Variants in GSK3B observed in about 807,000 individuals in gnomAD.
GSK3B encodes the protein glycogen synthase kinase 3 beta.
A neutral mutation model predicts 56.4 loss-of-function variants in GSK3B; 15 were observed. The ratio of observed to expected loss-of-function variants is 0.27; its 90% CI spans 0.18 to 0.41. GSK3B has a LOEUF of 0.41. Among genes scored for constraint, GSK3B ranks in the 10% least tolerant of loss-of-function variants. The probability of loss-of-function intolerance (pLI) is 1.00; values close to 1 mark genes in which losing one functional copy is unlikely to be tolerated. For missense variants in GSK3B, 300 were observed against 513.4 expected (o/e 0.58, Z 4.02); for synonymous variants, 181 against 188.9 (o/e 0.96, Z 0.34).
At chr3:120,006,746 C>A (rs1233463366) in intron 1 of GSK3B, among the ~76,000 whole-genome samples, 5 of 152,084 alleles carry the variant, frequency 3.3e-5, no homozygotes, top group African/African-American at 1.2e-4. Flanking sequence ...ACCAGAATCT[C>A]TGGAACACAT....
intron 2 of GSK3B, among the ~76,000 whole-genome samples, chr3:119,971,903 G>A (rs918437085): frequency 1.8e-4 from 27 of 152,096 alleles, no homozygotes; most frequent in East Asian, 1.9e-4. Context: ...GAGCCACCGC[G>A]CCCGGCCTGC....
rs532937021 is a variant in GSK3B at position 119,967,368 on chromosome 3, G to A, written c.283-20017C>T. Among the ~76,000 whole-genome samples, 6 of 152,142 alleles carry A rather than the reference G, an allele frequency of 3.9e-5. No individual in the cohort carries two copies. The East Asian group carries it at 5.8e-4, about 15-fold the overall frequency. On this transcript the variant is annotated intron_variant, in intron 2 of 10. Transcript: ENST00000264235. Reference sequence around the variant, plus strand: ...TGGGATTACCGGCGTGAGCCACTGCGCCTGGCCAGCTATCTTTTTTTTAAA... The same window carrying A: ...TGGGATTACCGGCGTGAGCCACTGCACCTGGCCAGCTATCTTTTTTTTAAA...
chr3:120,029,461 C>G, intron 1 of GSK3B: 1 of 698,872 alleles, frequency 1.4e-6, no homozygotes, highest in Non-Finnish European at 2.7e-6. Context: ...CATTCTGGAT[C>G]AAGAGCAGTG....
intron 1 of GSK3B, among the ~76,000 whole-genome samples, chr3:120,011,517 G>A (rs1393701823): frequency 6.6e-6 from 1 of 152,174 alleles, no homozygotes; most frequent in Admixed American, 6.5e-5. Context: ...AGATACTATA[G>A]CTGAAAGAGA....
Position 119,840,316 on chromosome 3 carries a change from C to T in GSK3B, c.1195+2939G>A, listed in dbSNP as rs55739402. On this transcript the variant is annotated intron_variant, in intron 10 of 10. Coordinates refer to ENST00000264235, the MANE Select transcript of GSK3B (RefSeq NM_001146156.2). ...CTCGGCTCATTGCAACCTCCGCCTC[C>T]CAGGTTCAAGCAATTCTCTTGCCTT... Among the ~76,000 whole-genome samples the T allele has an allele frequency of 4.2e-3, 645 of 152,100 alleles. 2 individuals are homozygous for T. Among genetic ancestry groups the T allele is most frequent in the African/African-American group, 0.015 (605 of 41,476 alleles).
chr3:119,862,541 AAAG>A (rs1461203912), intron 9 of GSK3B, among the ~76,000 whole-genome samples: 7 of 149,190 alleles, frequency 4.7e-5, no homozygotes, highest in Non-Finnish European at 8.9e-5. Context: ...AAAAAAAAAA[AAAG>A]AAAGATATGA....
At chr3:119,880,859 G>A (rs867070942) in intron 7 of GSK3B, among the ~76,000 whole-genome samples, 8 of 152,026 alleles carry the variant, frequency 5.3e-5, no homozygotes, top group African/African-American at 9.7e-5. Flanking sequence ...CAACAATTCC[G>A]TCACATGCAA....
chr3:119,832,228 G>A (rs1577301458), intron 10 of GSK3B, among the ~76,000 whole-genome samples: 1 of 152,232 alleles, frequency 6.6e-6, no homozygotes, highest in African/African-American at 2.4e-5. Flanking sequence ...CTTATTGAGT[G>A]ACTGAGGCTT....
rs1314680193 is a variant in GSK3B, at chr3:119,922,212, A to AGGAG, written c.477+1160_477+1161insCTCC. On this transcript the variant is annotated intron_variant, in intron 4 of 10. Transcript: ENST00000264235. Reference sequence around the variant, plus strand: ...AGGTAGGTAGGTAGGGAAGGAGGGAAGGAAGGAAGGAAGGAGGGAAGGAAG... The same window carrying AGGAG: ...AGGTAGGTAGGTAGGGAAGGAGGGAAGGAGGGAAGGAAGGAAGGAGGGAAGGAAG... Among the ~76,000 whole-genome samples the AGGAG allele has an allele frequency of 3.8e-4, 43 of 113,854 alleles. 2 individuals are homozygous for AGGAG. The highest frequency in any genetic ancestry group is 1.6e-4 in the Non-Finnish European group (9 of 57,048). 74.7% of individuals were successfully genotyped at this position (113,854 alleles called of 152,430 possible).
At chr3:119,947,492 G>T in intron 2 of GSK3B, 141 bp from the exon 3 acceptor site, 1 of 609,600 alleles carries the variant, frequency 1.6e-6, no homozygotes, top group Non-Finnish European at 2.9e-6. Flanking sequence ...CTGTAGACTG[G>T]TTCTGATCTG....
At chr3:119,954,362 T>C (rs934371646) in intron 2 of GSK3B, among the ~76,000 whole-genome samples, 3 of 152,042 alleles carry the variant, frequency 2.0e-5, no homozygotes, top group African/African-American at 7.2e-5. Flanking sequence ...GGAATAAGAA[T>C]AGAATAGAAT....
intron 2 of GSK3B, among the ~76,000 whole-genome samples, chr3:119,948,802 G>A (rs890554274): frequency 2.0e-5 from 3 of 152,258 alleles, no homozygotes; most frequent in South Asian, 4.1e-4. Context: ...GGGTTCAAGC[G>A]ATTCTCCTGC....
chr3:119,842,586 T>C (rs2055789257), intron 10 of GSK3B, among the ~76,000 whole-genome samples: 2 of 152,204 alleles, frequency 1.3e-5, no homozygotes, highest in Non-Finnish European at 2.9e-5. Context: ...TGATTTCCTA[T>C]TGAAATTATG....
At position 120,002,026 on chromosome 3, in the gene GSK3B, T is replaced by C. The variant is rs1559871481; in HGVS notation, c.282+20A>G. 8.7e-6 allele frequency: 13 copies of C among 1,502,544 alleles called. No individual in the cohort carries two copies. Among genetic ancestry groups the C allele is most frequent in the Non-Finnish European group, 1.2e-5 (13 of 1,110,728 alleles). The allele number at this position is 1,502,544 out of a possible 1,614,324, so 93.1% of individuals were successfully genotyped here. On this transcript the variant is annotated intron_variant, in intron 2 of 10. Coordinates refer to ENST00000264235, the MANE Select transcript of GSK3B (RefSeq NM_001146156.2). The stretch of plus-strand genomic sequence containing the variant: ...TGTATTACGACAGCAACAAAATATA[T>C]GAAATACTGGACATTTTACCTTAAA...
Position 120,080,336 on chromosome 3 carries a change from G to A in GSK3B, c.88+13011C>T, listed in dbSNP as rs1309722127. ...GGAGGGAAGAAGGAAGACGAAGGAA[G>A]AAGGAAGAAGGTAGAAGGAAGAAGG... On this transcript the variant is annotated intron_variant, in intron 1 of 10. Transcript: ENST00000264235. Among the ~76,000 whole-genome samples the A allele has an allele frequency of 3.5e-5, 5 of 142,468 alleles. No homozygotes were observed. In the East Asian group the frequency reaches 8.1e-4, roughly 23 times the overall value. The allele number at this position is 142,468 out of a possible 152,430, so 93.5% of individuals were successfully genotyped here.
intron 1 of GSK3B, among the ~76,000 whole-genome samples, chr3:120,037,104 G>C (rs112188551): frequency 1.0e-3 from 155 of 152,150 alleles, no homozygotes; most frequent in African/African-American, 3.4e-3. Context: ...TGAATATACA[G>C]AAGTATAGAA....
In GSK3B at chr3:119,952,487, CAA is replaced by C. The variant is rs59526500; in HGVS notation, c.283-5138_283-5137del. On this transcript the variant is annotated intron_variant, in intron 2 of 10. Coordinates refer to ENST00000264235, the MANE Select transcript of GSK3B (RefSeq NM_001146156.2). ...TGGCTGACAGAGAGAGACTCTGTCT[CAA>C]AAAAAAAAAAAAAAGAAAAGAAAGA... Among the ~76,000 whole-genome samples the C allele has an allele frequency of 1.2e-3, 111 of 96,220 alleles. 1 individual carries two copies. Among genetic ancestry groups the C allele is most frequent in the African/African-American group, 3.6e-3 (88 of 24,766 alleles). The allele number at this position is 96,220 out of a possible 152,430, so 63.1% of individuals were successfully genotyped here.
chr3:120,052,044 C>T (rs1423224018), intron 1 of GSK3B, among the ~76,000 whole-genome samples: 1 of 152,062 alleles, frequency 6.6e-6, no homozygotes, highest in African/African-American at 2.4e-5. Context: ...GGAAAGAGTT[C>T]ACTATTTTTA....
At chr3:119,943,095 A>T (rs1272099462) in intron 3 of GSK3B, among the ~76,000 whole-genome samples, 1 of 152,204 alleles carries the variant, frequency 6.6e-6, no homozygotes, top group Non-Finnish European at 1.5e-5. Flanking sequence ...CTGTTACAGG[A>T]TAAAAGCTGA....
Sources: allele counts gnomAD v4.1 joint callset (sites outside exome capture counted in the v4.1 genomes callset), GRCh38; gene constraint gnomAD v4.1.1; transcripts MANE v1.5; gene names NCBI Gene and HGNC (gene_info 2026-07-23, HGNC 2026-07-21).